KCNJ6: variants seen among roughly 807,000 people sequenced by gnomAD.
KCNJ6 encodes the protein potassium inwardly rectifying channel subfamily J member 6, also known as G protein-activated inward rectifier potassium channel 2.
In KCNJ6, 9 loss-of-function variants were observed where a neutral mutation model predicts 34.2. The observed-to-expected ratio is 0.26, with a 90% CI of 0.16 to 0.46. The LOEUF (loss-of-function observed/expected upper bound fraction) is 0.46. Among genes scored for constraint, KCNJ6 ranks in the 20% least tolerant of loss-of-function variants. The pLI is 1.00. For missense variants in KCNJ6, 236 were observed against 531.3 expected, an observed-to-expected ratio of 0.44 and a Z score of 5.46; for synonymous variants, 196 against 207.1, an observed-to-expected ratio of 0.95 and a Z score of 0.46.
chr21:37,610,440 A>G lies in KCNJ6; in HGVS notation c.*14719T>C, dbSNP rs922091996. 6.6e-6 allele frequency: 1 copy of G among 151,984 alleles called. No individual in the cohort carries two copies. Among genetic ancestry groups the G allele is most frequent in the African/African-American group, 2.4e-5 (1 of 41,334 alleles). The allele number at this position is 151,984 out of a possible 1,614,324, so 9.4% of individuals were successfully genotyped here. A position where few individuals can be genotyped will look rare whatever the true frequency, so the allele number is the denominator to read the frequency against. On this transcript the variant is annotated 3_prime_UTR_variant, in exon 4 of 4. Transcript: ENST00000609713. ...ATGCTGAAACCCCATCTCTATTAAA[A>G]ATACAAAAATTAGCCAGGTTTGGTG...
intron 2 of KCNJ6, among the ~76,000 whole-genome samples, chr21:37,812,325 A>G (rs2248998): frequency 0.42 from 64,026 of 151,938 alleles, 14,367 homozygotes; most frequent in Non-Finnish European, 0.49. Context: ...GAATTCTTGA[A>G]TCCTAGAGAG....
intron 2 of KCNJ6, among the ~76,000 whole-genome samples, chr21:37,739,721 AT>A: frequency 6.6e-6 from 1 of 152,224 alleles, no homozygotes; most frequent in Non-Finnish European, 1.5e-5. Context: ...GAAGCTTGAC[AT>A]TGACAGTATC....
At chr21:37,693,468 G>T (rs1470866156) in intron 3 of KCNJ6, among the ~76,000 whole-genome samples, 1 of 152,160 alleles carries the variant, frequency 6.6e-6, no homozygotes, top group Non-Finnish European at 1.5e-5. Context: ...CCCTCAAGGT[G>T]GGCTGTGTGG....
intron 2 of KCNJ6, among the ~76,000 whole-genome samples, chr21:37,822,833 G>T (rs1316666363): frequency 2.6e-5 from 4 of 152,186 alleles, no homozygotes; most frequent in African/African-American, 9.7e-5. Context: ...TTATATGACA[G>T]CTCAGAATGT....
At chr21:37,795,360 T>C (rs2055236182) in intron 2 of KCNJ6, among the ~76,000 whole-genome samples, 1 of 152,084 alleles carries the variant, frequency 6.6e-6, no homozygotes. Context: ...TGAGGAAAAT[T>C]AGGGCAAGAG....
At chr21:37,649,703 C>T (rs186113788) in intron 3 of KCNJ6, among the ~76,000 whole-genome samples, 6 of 152,250 alleles carry the variant, frequency 3.9e-5, no homozygotes, top group East Asian at 3.9e-4. Flanking sequence ...CTTTTGATAC[C>T]GAAGCACAAA....
At chr21:37,869,622 G>A (rs942680108) in intron 1 of KCNJ6, among the ~76,000 whole-genome samples, 1 of 152,220 alleles carries the variant, frequency 6.6e-6, no homozygotes, top group African/African-American at 2.4e-5. Flanking sequence ...GACATGGACT[G>A]ATTTGAAGGA....
chr21:37,763,531 T>C (rs2055076399), intron 2 of KCNJ6, among the ~76,000 whole-genome samples: 1 of 152,140 alleles, frequency 6.6e-6, no homozygotes, highest in Admixed American at 6.5e-5. Context: ...CCTGAGACTT[T>C]CCTGCCCACT....
intron 2 of KCNJ6, among the ~76,000 whole-genome samples, chr21:37,747,876 T>C (rs1166205332): frequency 1.3e-5 from 2 of 152,236 alleles, no homozygotes; most frequent in African/African-American, 2.4e-5. Context: ...ACATTTGTGT[T>C]GTTTAAGCCT....
chr21:37,783,903 T>C (rs2055181342), intron 2 of KCNJ6, among the ~76,000 whole-genome samples: 1 of 152,176 alleles, frequency 6.6e-6, no homozygotes, highest in African/African-American at 2.4e-5. Flanking sequence ...AGAAAGACCA[T>C]GAAAAGACAC....
chr21:37,834,773 C>T (rs1452676915), intron 2 of KCNJ6, among the ~76,000 whole-genome samples: 1 of 152,222 alleles, frequency 6.6e-6, no homozygotes, highest in Non-Finnish European at 1.5e-5. Flanking sequence ...GGAATTCCCT[C>T]TATATCAAAG....
intron 3 of KCNJ6, among the ~76,000 whole-genome samples, chr21:37,654,414 T>TAA (rs60672862): frequency 0.14 from 20,465 of 145,426 alleles, 2,147 homozygotes; most frequent in African/African-American, 0.29. Context: ...TGACATTTGG[T>TAA]AAAAAAAAAA....
At chr21:37,818,638 T>A (rs2055359352) in intron 2 of KCNJ6, among the ~76,000 whole-genome samples, 2 of 152,192 alleles carry the variant, frequency 1.3e-5, no homozygotes, top group South Asian at 4.1e-4. Context: ...CCAACCCAAC[T>A]GCCTTTCAGG....
intron 1 of KCNJ6, among the ~76,000 whole-genome samples, chr21:37,902,941 G>A (rs944183816): frequency 2.6e-5 from 4 of 152,166 alleles, no homozygotes; most frequent in Admixed American, 2.0e-4. Flanking sequence ...ATGCCAGGGT[G>A]TGAGAACCTC....
chr21:37,676,714 G>C (rs1467923325), intron 3 of KCNJ6, among the ~76,000 whole-genome samples: 1 of 152,224 alleles, frequency 6.6e-6, no homozygotes, highest in Non-Finnish European at 1.5e-5. Context: ...GCCATGTCTG[G>C]AGACATTTTT....
At chr21:37,770,976 A>C (rs1306463021) in intron 2 of KCNJ6, among the ~76,000 whole-genome samples, 1 of 152,200 alleles carries the variant, frequency 6.6e-6, no homozygotes, top group Non-Finnish European at 1.5e-5. Flanking sequence ...TAAGCAGAAC[A>C]TCAACTAAGG....
At chr21:37,860,717 G>A (rs899554154) in intron 1 of KCNJ6, among the ~76,000 whole-genome samples, 4 of 151,468 alleles carry the variant, frequency 2.6e-5, no homozygotes, top group East Asian at 3.9e-4. Context: ...CTACCCCCCT[G>A]GAGTGGCTCT....
rs546027616 is a variant in KCNJ6 at position 37,804,820 on chromosome 21, C to A, written c.25+35838G>T. 6.6e-5 allele frequency among the ~76,000 whole-genome samples: 10 copies of A among 152,260 alleles called. No homozygotes were observed. The South Asian group carries it at 1.0e-3, about 16-fold the overall frequency. ...ACCACATTTTCTTTACCCAGTCTAT[C>A]ATTGATGGGCATTGTTGAGTCTATG... On this transcript the variant is annotated intron_variant, in intron 2 of 3. Transcript: ENST00000609713.
intron 2 of KCNJ6, among the ~76,000 whole-genome samples, chr21:37,752,450 G>A (rs976661386): frequency 1.3e-5 from 2 of 152,140 alleles, no homozygotes; most frequent in African/African-American, 4.8e-5. Context: ...CTGAATATGA[G>A]CTAAATAGAG....
Sources: gnomAD v4.1 joint callset for allele counts (sites outside exome capture counted in the v4.1 genomes callset) on GRCh38, gnomAD v4.1.1 for gene constraint, MANE v1.5 for transcripts, NCBI Gene and HGNC (gene_info 2026-07-23, HGNC 2026-07-21) for gene names.